The following PRPSAP1 variants were observed in gnomAD, a reference collection of about 807,000 sequenced individuals.
PRPSAP1 encodes phosphoribosyl pyrophosphate synthase-associated protein 1.
Under a neutral mutation model 39.4 loss-of-function variants are expected in PRPSAP1, and 31 were observed. The ratio of observed to expected loss-of-function variants is 0.79; its 90% CI spans 0.59 to 1.06. PRPSAP1 has a LOEUF of 1.06. PRPSAP1 is among the 50% of genes least tolerant of loss of function. The pLI is 0.00. For missense variants in PRPSAP1, 430 were observed against 511.6 expected, an observed-to-expected ratio of 0.84 and a Z score of 1.54; for synonymous variants, 212 against 192.6, an observed-to-expected ratio of 1.10 and a Z score of -0.83.
At chr17:76,330,175 C>T (rs2071305462) in intron 5 of PRPSAP1, 77 bp from the exon 6 acceptor site, 2 of 1,324,166 alleles carry the variant, frequency 1.5e-6, no homozygotes, top group Non-Finnish European at 2.2e-6. Context: ...TCAAGTTTTC[C>T]CTCTTATAAT....
At position 76,316,845 on chromosome 17, in the gene PRPSAP1, T is replaced by G. The variant is rs531195431; in HGVS notation, c.782-2954A>C. Among the ~76,000 whole-genome samples, 33 of 152,330 alleles carry G rather than the reference T, an allele frequency of 2.2e-4. No homozygotes were observed. The South Asian group carries it at 6.0e-3, about 28-fold the overall frequency. On this transcript the variant is annotated intron_variant, in intron 7 of 9. Transcript: ENST00000446526. ...TAGCCTTTTCCAAGTAAAATAAAGCTGCACTGACAACCCTCCTTACCTTAC... is the reference window on the plus strand; with the variant it reads ...TAGCCTTTTCCAAGTAAAATAAAGCGGCACTGACAACCCTCCTTACCTTAC...
intron 6 of PRPSAP1, 21 bp from the exon 7 acceptor site, chr17:76,328,883 G>A (rs773288150): frequency 2.5e-6 from 4 of 1,587,816 alleles, no homozygotes; most frequent in South Asian, 1.1e-5. Flanking sequence ...AAAGGGAAAT[G>A]GTGAAACTGA....
intron 2 of PRPSAP1, chr17:76,345,899 C>A: frequency 2.3e-6 from 1 of 426,080 alleles, no homozygotes; most frequent in South Asian, 1.8e-5. Flanking sequence ...AAAGACGAAC[C>A]ACAGAGAAGA....
Position 76,353,810 on chromosome 17 carries a change from C to T in PRPSAP1, c.-107G>A. On this transcript the variant is annotated 5_prime_UTR_variant, in exon 1 of 10. Transcript: ENST00000446526. ...GTGGGGAAGGCGCTGAGAAACTCGG[C>T]GCAAGCGGGGAGAGCTCCGAGGTCC... 1 of 1,386,656 alleles carries T rather than the reference C, an allele frequency of 7.2e-7. No homozygotes were observed. The highest frequency in any genetic ancestry group is 9.3e-7 in the Non-Finnish European group (1 of 1,078,490). 85.9% of individuals were successfully genotyped at this position (1,386,656 alleles called of 1,614,324 possible).
chr17:76,324,467 A>C (rs1384009646), intron 7 of PRPSAP1, among the ~76,000 whole-genome samples: 1 of 151,482 alleles, frequency 6.6e-6, no homozygotes, highest in Non-Finnish European at 1.5e-5. Flanking sequence ...AGGTGTGGTG[A>C]TGCATACCTA....
chr17:76,313,144 T>A, intron 8 of PRPSAP1, 128 bp from the exon 9 acceptor site: 1 of 1,240,960 alleles, frequency 8.1e-7, no homozygotes, highest in East Asian at 2.5e-5. Context: ...CAGAGCTGTG[T>A]GCCTGGGTCA....
intron 1 of PRPSAP1, among the ~76,000 whole-genome samples, chr17:76,351,826 C>CA (rs1012511712): frequency 1.2e-4 from 18 of 151,542 alleles, no homozygotes; most frequent in Non-Finnish European, 2.1e-4. Flanking sequence ...AACAAACAAA[C>CA]AAAAAAAACC....
chr17:76,351,256 C>T (rs765882651), intron 1 of PRPSAP1, among the ~76,000 whole-genome samples: 54 of 152,232 alleles, frequency 3.5e-4, no homozygotes, highest in Middle Eastern at 3.4e-3. Context: ...GTGGCTCACG[C>T]CTGTAATCCC....
rs577801699 is a variant in PRPSAP1 at position 76,328,675 on chromosome 17, C to T, written c.781+42G>A. ...AACAAAACCAACAAAAAAAAACTTT[C>T]TTCAATTTACAAATAAAATAAAAAC... On this transcript the variant is annotated intron_variant, in intron 7 of 9. Transcript: ENST00000446526. 7 of 1,590,804 alleles carry T rather than the reference C, an allele frequency of 4.4e-6. No homozygotes were observed. In the African/African-American group the frequency reaches 6.8e-5, roughly 15 times the overall value.
intron 8 of PRPSAP1, chr17:76,313,496 A>G (rs1321271922): frequency 3.1e-6 from 1 of 326,524 alleles, no homozygotes; most frequent in African/African-American, 2.1e-5. Context: ...AAAACGGAAC[A>G]GCTCATCTTC....
chr17:76,313,755 A>G, intron 8 of PRPSAP1, 66 bp downstream of exon 8: 2 of 1,522,872 alleles, frequency 1.3e-6, no homozygotes, highest in Admixed American at 3.4e-5. Flanking sequence ...ACAGTCCCAG[A>G]GTGGACAACC....
intron 3 of PRPSAP1, among the ~76,000 whole-genome samples, chr17:76,336,257 G>A (rs750144522): frequency 2.6e-5 from 4 of 152,124 alleles, no homozygotes; most frequent in Non-Finnish European, 5.9e-5. Context: ...AACCAACATG[G>A]TGAAAGCCCG....
intron 7 of PRPSAP1, among the ~76,000 whole-genome samples, chr17:76,315,700 C>CT (rs71161279): frequency 0.022 from 1,586 of 72,632 alleles, 268 homozygotes; most frequent in Non-Finnish European, 0.031. Context: ...GACCTATCCG[C>CT]TTTTTTTTTT....
chr17:76,345,384 T>G (rs1266469542), intron 2 of PRPSAP1, among the ~76,000 whole-genome samples: 14 of 133,678 alleles, frequency 1.0e-4, no homozygotes, highest in East Asian at 4.5e-4. Flanking sequence ...GAAGAATCAC[T>G]TGAACCTGGG....
chr17:76,341,200 C>T (rs2071433305), intron 3 of PRPSAP1, among the ~76,000 whole-genome samples: 2 of 150,894 alleles, frequency 1.3e-5, no homozygotes, highest in Admixed American at 1.3e-4. Context: ...CAATGCAGAC[C>T]AACGAATTAG....
intron 2 of PRPSAP1, among the ~76,000 whole-genome samples, chr17:76,347,289 C>G (rs2071516109): frequency 6.6e-6 from 1 of 151,624 alleles, no homozygotes; most frequent in Admixed American, 6.6e-5. Context: ...GAGTTCAAGA[C>G]CAGCCTGACC....
At position 76,353,683 on chromosome 17, in the gene PRPSAP1, C is replaced by T; in HGVS notation, c.21G>A (p.Leu7=). Residue 7 remains leucine, a synonymous_variant, in exon 1 of 10, where the codon CTG becomes CTA. Transcript: ENST00000446526. The stretch of plus-strand genomic sequence containing the variant: ...CCGAGGACGCGGAGGGCGGGGGCAA[C>T]AGCAGCAGCTTCTTGGGCATCGTCC... MPKKLL[L]LPPPSASSAF... 1.3e-6 allele frequency: 2 copies of T among 1,508,270 alleles called. No individual in the cohort carries two copies. Among genetic ancestry groups the T allele is most frequent in the South Asian group, 1.3e-5 (1 of 79,950 alleles). The allele number at this position is 1,508,270 out of a possible 1,614,324, so 93.4% of individuals were successfully genotyped here.
Position 76,328,707 on chromosome 17 carries a change from C to A in PRPSAP1, c.781+10G>T. 6.2e-7 allele frequency: 1 copy of A among 1,611,032 alleles called. No homozygotes were observed. Among genetic ancestry groups the A allele is most frequent in the Non-Finnish European group, 8.5e-7 (1 of 1,179,212 alleles). On this transcript the variant is annotated intron_variant, in intron 7 of 9. Coordinates refer to ENST00000446526, the MANE Select transcript of PRPSAP1 (RefSeq NM_002766.3). ...TTACAAATAAAATAAAAACACAGAGCTCATCTTACATGGCAACTCCAGGCC... is the reference window on the plus strand; with the variant it reads ...TTACAAATAAAATAAAAACACAGAGATCATCTTACATGGCAACTCCAGGCC...
chr17:76,319,280 A>G (rs1054652957), intron 7 of PRPSAP1: 1 of 151,938 alleles, frequency 6.6e-6, no homozygotes, highest in Non-Finnish European at 1.5e-5. Flanking sequence ...GCTGCTTACA[A>G]AAGGACATTA....
Sources: allele counts gnomAD v4.1 joint callset (sites outside exome capture counted in the v4.1 genomes callset), GRCh38; gene constraint gnomAD v4.1.1; transcripts MANE v1.5; gene names NCBI Gene and HGNC (gene_info 2026-07-23, HGNC 2026-07-21).